The following CNTNAP2 variants were observed in gnomAD, a reference collection of about 807,000 sequenced individuals.
CNTNAP2 encodes contactin associated protein 2, also known as contactin-associated protein-like 2.
CNTNAP2 carries 98 observed loss-of-function variants against 155.2 expected under a neutral mutation model. That is an observed-to-expected ratio of 0.63 (90% CI 0.54 to 0.75). CNTNAP2 has a LOEUF of 0.75. Among genes scored for constraint, CNTNAP2 ranks in the 30% least tolerant of loss-of-function variants. CNTNAP2 has a pLI of 0.00. For synonymous variants in CNTNAP2, 651 were observed against 631.2 expected (o/e 1.03, Z -0.47); for missense variants, 1,727 against 1,688.1 (o/e 1.02, Z -0.40).
intron 5 of CNTNAP2, among the ~76,000 whole-genome samples, chr7:147,110,424 T>C (rs550478033): frequency 4.6e-5 from 7 of 152,222 alleles, no homozygotes; most frequent in African/African-American, 1.4e-4. Context: ...CTTTGTTACA[T>C]AGGTAAACGT....
intron 3 of CNTNAP2, among the ~76,000 whole-genome samples, chr7:146,964,888 G>T (rs1422337108): frequency 2.2e-5 from 2 of 92,898 alleles, no homozygotes; most frequent in East Asian, 4.1e-4. Flanking sequence ...ACTAAAACAG[G>T]TGACTGGCCA....
At chr7:146,256,340 T>G (rs780838226) in intron 1 of CNTNAP2, among the ~76,000 whole-genome samples, 2 of 152,190 alleles carry the variant, frequency 1.3e-5, no homozygotes, top group African/African-American at 4.8e-5. Context: ...GTTAGGAAAT[T>G]TGGACATTTT....
intron 1 of CNTNAP2, among the ~76,000 whole-genome samples, chr7:146,590,769 C>T (rs147837588): frequency 6.6e-6 from 1 of 152,274 alleles, no homozygotes; most frequent in East Asian, 1.9e-4. Flanking sequence ...CATGCAATCA[C>T]GCCCACAAAT....
At chr7:147,500,549 C>G (rs1008052181) in intron 11 of CNTNAP2, among the ~76,000 whole-genome samples, 2 of 152,140 alleles carry the variant, frequency 1.3e-5, no homozygotes, top group Non-Finnish European at 2.9e-5. Flanking sequence ...AAATGCCTAT[C>G]CCACTGCTTA....
chr7:148,192,796 C>T (rs1479234937), intron 18 of CNTNAP2, among the ~76,000 whole-genome samples: 1 of 152,178 alleles, frequency 6.6e-6, no homozygotes, highest in Non-Finnish European at 1.5e-5. Flanking sequence ...ATTCCTTTAG[C>T]TCTATTTCAG....
At chr7:146,223,968 A>T (rs1316248536) in intron 1 of CNTNAP2, among the ~76,000 whole-genome samples, 1 of 152,238 alleles carries the variant, frequency 6.6e-6, no homozygotes, top group East Asian at 1.9e-4. Context: ...CATTTAAACA[A>T]CATTTTCCTT....
chr7:147,788,922 TG>T (rs1237022047), intron 13 of CNTNAP2, among the ~76,000 whole-genome samples: 52 of 143,214 alleles, frequency 3.6e-4, no homozygotes, highest in African/African-American at 1.3e-3. Context: ...TTTTTTTTTT[TG>T]AGACAGTGTC....
chr7:146,411,220 G>A (rs370701461), intron 1 of CNTNAP2, among the ~76,000 whole-genome samples: 3 of 147,728 alleles, frequency 2.0e-5, no homozygotes, highest in Admixed American at 1.4e-4. Context: ...GCAGAGGCAC[G>A]ATCTTGGCTC....
chr7:148,074,623 G>A (rs1416924791), intron 15 of CNTNAP2, among the ~76,000 whole-genome samples: 2 of 151,998 alleles, frequency 1.3e-5, no homozygotes, highest in Non-Finnish European at 2.9e-5. Context: ...CGGAGGTGGA[G>A]GTTGCAGTGA....
intron 13 of CNTNAP2, among the ~76,000 whole-genome samples, chr7:147,780,621 TACTGTC>T (rs1797648286): frequency 6.6e-6 from 1 of 152,240 alleles, no homozygotes; most frequent in Non-Finnish European, 1.5e-5. Context: ...CTTTCATTGC[TACTGTC>T]AGCAAGTGAA....
At chr7:146,873,139 T>C (rs1227358038) in intron 3 of CNTNAP2, among the ~76,000 whole-genome samples, 1 of 152,224 alleles carries the variant, frequency 6.6e-6, no homozygotes, top group Non-Finnish European at 1.5e-5. Flanking sequence ...TGGGTGGATT[T>C]AGACCACTGC....
At chr7:146,721,339 C>CATTCTATATATGTATTCTATATAT (rs1563203426) in intron 1 of CNTNAP2, among the ~76,000 whole-genome samples, 1 of 124,226 alleles carries the variant, frequency 8.0e-6, no homozygotes, top group African/African-American at 3.2e-5. Flanking sequence ...ATTCTATATA[C>CATTCTATATATGTATTCTATATAT]ATTCTATATA....
intron 12 of CNTNAP2, among the ~76,000 whole-genome samples, chr7:147,579,555 TGATA>T (rs1482022969): frequency 2.6e-5 from 4 of 152,210 alleles, no homozygotes; most frequent in Admixed American, 6.5e-5. Context: ...AGCCAATTTC[TGATA>T]GATAGTTAAT....
intron 1 of CNTNAP2, among the ~76,000 whole-genome samples, chr7:146,118,033 GA>G (rs1584757671): frequency 6.6e-6 from 1 of 152,184 alleles, no homozygotes; most frequent in African/African-American, 2.4e-5. Context: ...CGTCATATGC[GA>G]AGTAGTCTTT....
At chr7:147,295,298 G>A (rs1450980764) in intron 8 of CNTNAP2, among the ~76,000 whole-genome samples, 1 of 151,952 alleles carries the variant, frequency 6.6e-6, no homozygotes, top group Non-Finnish European at 1.5e-5. Context: ...CGTGTTGTGT[G>A]TGTGTGTTTG....
chr7:147,638,804 A>G (rs975393189), intron 12 of CNTNAP2: 5 of 497,784 alleles, frequency 1.0e-5, no homozygotes, highest in Non-Finnish European at 7.6e-6. Context: ...CTGATATTCA[A>G]TGCTGCAGAT....
At chr7:146,942,603 G>A (rs1797078168) in intron 3 of CNTNAP2, among the ~76,000 whole-genome samples, 3 of 152,222 alleles carry the variant, frequency 2.0e-5, no homozygotes, top group South Asian at 4.1e-4. Flanking sequence ...GGAGGAAAAG[G>A]ACAATATATA....
chr7:147,363,033 T>C (rs1428162592), intron 9 of CNTNAP2, among the ~76,000 whole-genome samples: 1 of 152,180 alleles, frequency 6.6e-6, no homozygotes, highest in Admixed American at 6.5e-5. Context: ...ACAATCAAGA[T>C]GAAACCCTCA....
chr7:146,919,556 C>A (rs1436676901), intron 3 of CNTNAP2, among the ~76,000 whole-genome samples: 1 of 152,140 alleles, frequency 6.6e-6, no homozygotes, highest in South Asian at 2.1e-4. Flanking sequence ...GGTCTTTCAG[C>A]CATGGATACC....
Sources: allele counts gnomAD v4.1 joint callset (sites outside exome capture counted in the v4.1 genomes callset), GRCh38; gene constraint gnomAD v4.1.1; transcripts MANE v1.5; gene names NCBI Gene and HGNC (gene_info 2026-07-23, HGNC 2026-07-21).